The following HSP90AB1 variants were observed in gnomAD, a reference collection of about 807,000 sequenced individuals.
HSP90AB1 encodes heat shock protein HSP 90-beta.
Under a neutral mutation model 67.8 loss-of-function variants are expected in HSP90AB1, and 17 were observed. The observed-to-expected ratio is 0.25, with a 90% CI of 0.17 to 0.38. HSP90AB1 has a LOEUF of 0.38. Among genes scored for constraint, HSP90AB1 ranks in the 10% least tolerant of loss-of-function variants. The pLI is 1.00. For missense variants in HSP90AB1, 690 were observed against 899.9 expected (o/e 0.77, Z 2.98); for synonymous variants, 390 against 312.9 (o/e 1.25, Z -2.60).
Position 44,252,281 on chromosome 6 carries a change from G to A in HSP90AB1, c.1731+14G>A, listed in dbSNP as rs780963726. On this transcript the variant is annotated intron_variant, in intron 10 of 11. Coordinates refer to ENST00000371646, the MANE Select transcript of HSP90AB1 (RefSeq NM_007355.4). Reference sequence around the variant, plus strand: ...AAGGTTGAGAAGGTAAGCCATTCTGGGGCTAGGATATATTTTGTAACATCT... The same window carrying A: ...AAGGTTGAGAAGGTAAGCCATTCTGAGGCTAGGATATATTTTGTAACATCT... 13 of 1,609,744 alleles carry A rather than the reference G, an allele frequency of 8.1e-6. No homozygotes were observed. Among genetic ancestry groups the A allele is most frequent in the Non-Finnish European group, 1.1e-5 (13 of 1,178,438 alleles).
At chr6:44,252,836 ACTCAAGTCTC>A (rs968160178) in intron 10 of HSP90AB1, among the ~76,000 whole-genome samples, 199 bp from the exon 11 acceptor site, 6 of 151,400 alleles carry the variant, frequency 4.0e-5, no homozygotes, top group Non-Finnish European at 8.8e-5. Context: ...CTCACTGCAA[ACTCAAGTCTC>A]CTGAGTGGCT....
chr6:44,252,739 G>A (rs1780851693), intron 10 of HSP90AB1, among the ~76,000 whole-genome samples: 1 of 150,962 alleles, frequency 6.6e-6, no homozygotes, highest in Non-Finnish European at 1.5e-5. Flanking sequence ...CTTGTGATTC[G>A]CCCACCTCGG....
intron 1 of HSP90AB1, chr6:44,247,786 G>T (rs928197532): frequency 4.6e-5 from 7 of 152,258 alleles, no homozygotes; most frequent in African/African-American, 1.7e-4. Context: ...GGTTCTGGAA[G>T]ATTCATGGGC....
At chr6:44,251,006 G>A in intron 6 of HSP90AB1, 42 bp from the exon 7 acceptor site, 1 of 1,572,304 alleles carries the variant, frequency 6.4e-7, no homozygotes, top group South Asian at 1.1e-5. Context: ...GGGCTAAAAG[G>A]TCCTCTTTTG....
In HSP90AB1 at chr6:44,251,237, T is replaced by G. The variant is rs373804054; in HGVS notation, c.1123+24T>G. 62 of 1,613,126 alleles carry G rather than the reference T, an allele frequency of 3.8e-5. No individual in the cohort carries two copies. In the African/African-American group the frequency reaches 3.9e-4, roughly 10 times the overall value. On this transcript the variant is annotated intron_variant, in intron 7 of 11. Coordinates refer to ENST00000371646, the MANE Select transcript of HSP90AB1 (RefSeq NM_007355.4). ...CAGTGAGTATCTCCTTGGCCTAATT[T>G]AGTTGGGTGAAGTCTTGGGAGGTTT...
chr6:44,248,466 C>T (rs1432979274), intron 1 of HSP90AB1, among the ~76,000 whole-genome samples, 164 bp from the exon 2 acceptor site: 1 of 152,168 alleles, frequency 6.6e-6, no homozygotes. Context: ...AGTGTGTAGT[C>T]TGAGATCTTT....
At chr6:44,252,721 C>T (rs1387071121) in intron 10 of HSP90AB1, among the ~76,000 whole-genome samples, 1 of 151,912 alleles carries the variant, frequency 6.6e-6, no homozygotes, top group Non-Finnish European at 1.5e-5. Context: ...TGGTCTCCAT[C>T]TCCTGACCTT....
At chr6:44,252,393 GTTCTC>G (rs973250059) in intron 10 of HSP90AB1, 126 bp downstream of exon 10, 5 of 838,184 alleles carry the variant, frequency 6.0e-6, no homozygotes, top group Non-Finnish European at 5.6e-6. Context: ...CTTGCCTCTT[GTTCTC>G]TTCTCTAGTC....
At chr6:44,250,184 T>A in intron 5 of HSP90AB1, 30 bp downstream of exon 5, 1 of 1,613,902 alleles carries the variant, frequency 6.2e-7, no homozygotes, top group Non-Finnish European at 8.5e-7. Context: ...TCTTTTACAC[T>A]TAACGTGCAG....
chr6:44,247,061 G>A (rs1343246354), upstream of HSP90AB1: 1 of 152,174 alleles, frequency 6.6e-6, no homozygotes, highest in African/African-American at 2.4e-5. Context: ...GCTGTACTGT[G>A]CTTCGCCTTA....
intron 8 of HSP90AB1, 38 bp downstream of exon 8, chr6:44,251,646 T>A: frequency 6.3e-7 from 1 of 1,587,446 alleles, no homozygotes; most frequent in African/African-American, 1.4e-5. Context: ...TTTACCACTT[T>A]CTTAGTAATA....
rs368189610 is a variant in HSP90AB1, at chr6:44,253,276, G to A, written c.1963G>A (p.Val655Met). The A allele has an allele frequency of 6.2e-7, 1 of 1,614,106 alleles. No individual in the cohort carries two copies. The highest frequency in any genetic ancestry group is 8.5e-7 in the Non-Finnish European group (1 of 1,180,040). Residue 655 changes from valine (V) to methionine (M), a missense_variant, in exon 11 of 12, where the codon GTG becomes ATG. By Grantham distance (21) the Val-to-Met change is conservative. Coordinates refer to ENST00000371646, the MANE Select transcript of HSP90AB1 (RefSeq NM_007355.4). ...DKNDKAVKDL[V>M]VLLFETALLS... ...GAATGATAAGGCAGTTAAGGACCTG[G>A]TGGTGCTGCTGTTTGAAACCGCCCT...
At chr6:44,247,590 C>T (rs1164665458) in intron 1 of HSP90AB1, among the ~76,000 whole-genome samples, 1 of 152,330 alleles carries the variant, frequency 6.6e-6, no homozygotes, top group Admixed American at 6.5e-5. Context: ...TGACTCAGCA[C>T]GGCCTTGTGG....
chr6:44,252,349 G>C (rs1408069989), intron 10 of HSP90AB1, 82 bp downstream of exon 10: 3 of 1,285,000 alleles, frequency 2.3e-6, no homozygotes, highest in East Asian at 2.3e-5. Flanking sequence ...TACAATTAGT[G>C]GTTTGAGGCA....
At position 44,251,032 on chromosome 6, in the gene HSP90AB1, T is replaced by C; in HGVS notation, c.958-16T>C. The C allele has an allele frequency of 1.2e-6, 2 of 1,612,510 alleles. No individual in the cohort carries two copies. Among genetic ancestry groups the C allele is most frequent in the Non-Finnish European group, 1.7e-6 (2 of 1,178,662 alleles). On this transcript the variant is annotated splice_polypyrimidine_tract_variant and intron_variant, in intron 6 of 11. Coordinates refer to ENST00000371646, the MANE Select transcript of HSP90AB1 (RefSeq NM_007355.4). ...TCCTCTTTTGAAATGTACCACTTAT[T>C]TTTGGTTTCTTTCAGCACTTTTCTG...
rs1582984328 is a variant in HSP90AB1 at position 44,250,385 on chromosome 6, C to T, written c.743C>T (p.Pro248Leu). Reference sequence around the variant, plus strand: ...GAAGATAAAGATGATGAAGAAAAACCCAAGATCGAAGATGTGGGTTCAGAT... The same window carrying T: ...GAAGATAAAGATGATGAAGAAAAACTCAAGATCGAAGATGTGGGTTCAGAT... ...EEEDKDDEEK[P>L]KIEDVGSDEE... Residue 248 changes from proline (P) to leucine (L), a missense_variant, in exon 6 of 12, where the codon CCC becomes CTC. Pro to Leu is a moderately conservative substitution (Grantham distance 98). Around this residue, in one of 7 missense-constraint regions of HSP90AB1, gnomAD observed 146 missense variants for 143.7 expected, o/e 1.02. Transcript: ENST00000371646. 1 of 1,613,320 alleles carries T rather than the reference C, an allele frequency of 6.2e-7. No homozygotes were observed. The highest frequency in any genetic ancestry group is 1.1e-5 in the South Asian group (1 of 91,022).
At chr6:44,252,985 A>G (rs898767814) in intron 10 of HSP90AB1, 60 bp from the exon 11 acceptor site, 12 of 1,397,764 alleles carry the variant, frequency 8.6e-6, no homozygotes, top group East Asian at 4.6e-5. Context: ...AGGCTTGACA[A>G]TGCCTGTTTT....
intron 10 of HSP90AB1, 22 bp from the exon 11 acceptor site, chr6:44,253,020 CTAA>C: frequency 6.3e-7 from 1 of 1,592,026 alleles, no homozygotes; most frequent in Non-Finnish European, 8.6e-7. Flanking sequence ...TAATGTCAAT[CTAA>C]GGCTTTTGTG....
At position 44,251,980 on chromosome 6, in the gene HSP90AB1, T is replaced by C. The variant is rs747784199; in HGVS notation, c.1463-19T>C. 6 of 1,614,036 alleles carry C rather than the reference T, an allele frequency of 3.7e-6. No homozygotes were observed. The Admixed American group carries it at 6.7e-5, about 18-fold the overall frequency. ...GTATGAGGCATTTTAGTCACTGAGTTCATTTAATTACCCTACAGGTGAGAG... is the reference window on the plus strand; with the variant it reads ...GTATGAGGCATTTTAGTCACTGAGTCCATTTAATTACCCTACAGGTGAGAG... On this transcript the variant is annotated intron_variant, in intron 9 of 11. Coordinates refer to ENST00000371646, the MANE Select transcript of HSP90AB1 (RefSeq NM_007355.4).
Sources: allele counts gnomAD v4.1 joint callset (sites outside exome capture counted in the v4.1 genomes callset), GRCh38; gene constraint gnomAD v4.1.1; regional missense constraint gnomAD v4.1.1; transcripts MANE v1.5; gene names NCBI Gene and HGNC (gene_info 2026-07-23, HGNC 2026-07-21).